The following UNC5C variants were observed in gnomAD, a reference collection of about 807,000 sequenced individuals.
UNC5C encodes netrin receptor UNC5C.
Under a neutral mutation model 99.8 loss-of-function variants are expected in UNC5C, and 47 were observed. The observed-to-expected ratio is 0.47, with a 90% CI of 0.37 to 0.60. The LOEUF is 0.60. UNC5C is among the 20% of genes least tolerant of loss of function. The pLI, the probability that UNC5C is intolerant of heterozygous loss-of-function variation, is 0.00. For synonymous variants in UNC5C, 487 were observed against 452.2 expected (o/e 1.08, Z -0.98); for missense variants, 1,062 against 1,165.9 (o/e 0.91, Z 1.30).
In UNC5C at chr4:95,165,835, C is replaced by T. The variant is rs1256545604; in HGVS notation, c.*3399G>A. ...ACCATAAGTGTTAAAAATGACAACT[C>T]TTCAAAGACTGTTTTATATAGATTT... On this transcript the variant is annotated 3_prime_UTR_variant, in exon 16 of 16. Transcript: ENST00000453304. The T allele has an allele frequency of 6.6e-6, 1 of 152,258 alleles. No homozygotes were observed. The highest frequency in any genetic ancestry group is 1.9e-4 in the East Asian group (1 of 5,182). The allele number at this position is 152,258 out of a possible 1,614,324, so 9.4% of individuals were successfully genotyped here.
chr4:95,301,003 C>T (rs1741846791), intron 3 of UNC5C, among the ~76,000 whole-genome samples: 1 of 152,076 alleles, frequency 6.6e-6, no homozygotes, highest in East Asian at 1.9e-4. Flanking sequence ...ATACCTCATT[C>T]CCCATGATGT....
intron 4 of UNC5C, among the ~76,000 whole-genome samples, chr4:95,254,917 C>T (rs774034815): frequency 6.6e-6 from 1 of 152,056 alleles, no homozygotes; most frequent in Non-Finnish European, 1.5e-5. Flanking sequence ...ATTATACTGT[C>T]AATGCTCTCA....
At chr4:95,362,674 C>T (rs978531345) in intron 1 of UNC5C, among the ~76,000 whole-genome samples, 4 of 152,150 alleles carry the variant, frequency 2.6e-5, no homozygotes, top group Non-Finnish European at 4.4e-5. Context: ...GACAACTGAG[C>T]TGACATACCA....
chr4:95,434,460 C>T (rs558066405), intron 1 of UNC5C, among the ~76,000 whole-genome samples: 2 of 152,074 alleles, frequency 1.3e-5, no homozygotes, highest in South Asian at 2.1e-4. Flanking sequence ...TTACTTGAAT[C>T]GGAGGGAAAG....
chr4:95,263,766 TG>T (rs1482687067), intron 4 of UNC5C, among the ~76,000 whole-genome samples: 3 of 152,208 alleles, frequency 2.0e-5, no homozygotes, highest in African/African-American at 7.2e-5. Context: ...ATAAGGTTCT[TG>T]TGAGGTTTGA....
chr4:95,173,867 G>A (rs1216653998), intron 14 of UNC5C, among the ~76,000 whole-genome samples: 5 of 151,878 alleles, frequency 3.3e-5, no homozygotes, highest in Admixed American at 6.6e-5. Context: ...AATCCATCTG[G>A]TCCTGGACTC....
chr4:95,404,469 T>C (rs992271575), intron 1 of UNC5C, among the ~76,000 whole-genome samples: 1 of 152,232 alleles, frequency 6.6e-6, no homozygotes, highest in Non-Finnish European at 1.5e-5. Context: ...GCCAGGGTTC[T>C]AGGCCAAAGC....
At chr4:95,516,997 A>T (rs555238933) in intron 1 of UNC5C, among the ~76,000 whole-genome samples, 4 of 152,198 alleles carry the variant, frequency 2.6e-5, no homozygotes, top group Admixed American at 2.6e-4. Context: ...ACTGGGAAGG[A>T]TGTGTTCATG....
chr4:95,490,510 G>A lies in UNC5C; in HGVS notation c.124+58224C>T, dbSNP rs536066873. On this transcript the variant is annotated intron_variant, in intron 1 of 15. Coordinates refer to ENST00000453304, the MANE Select transcript of UNC5C (RefSeq NM_003728.4). Reference sequence around the variant, plus strand: ...CTGCATGTATATATCTATGAAATAAGGCATAAGTAACACACATAATAGATT... The same window carrying A: ...CTGCATGTATATATCTATGAAATAAAGCATAAGTAACACACATAATAGATT... 7.3e-5 allele frequency among the ~76,000 whole-genome samples: 11 copies of A among 151,606 alleles called. No homozygotes were observed. In the East Asian group the frequency reaches 2.1e-3, roughly 30 times the overall value.
chr4:95,528,578 G>A (rs977006319), intron 1 of UNC5C, among the ~76,000 whole-genome samples: 7 of 152,198 alleles, frequency 4.6e-5, no homozygotes, highest in African/African-American at 9.6e-5. Context: ...GCTGAGAGAT[G>A]TGGTAATGTC....
chr4:95,372,616 G>A (rs1744779309), intron 1 of UNC5C, among the ~76,000 whole-genome samples: 1 of 152,064 alleles, frequency 6.6e-6, no homozygotes, highest in Non-Finnish European at 1.5e-5. Flanking sequence ...AGTTTCTTTG[G>A]CCCTGTTTGG....
At chr4:95,209,110 C>T (rs913128706) in intron 10 of UNC5C, among the ~76,000 whole-genome samples, 3 of 152,130 alleles carry the variant, frequency 2.0e-5, no homozygotes, top group Non-Finnish European at 4.4e-5. Flanking sequence ...GCTCATAGAT[C>T]CTTTTCTGGA....
chr4:95,264,458 T>C (rs1740364856), intron 4 of UNC5C, among the ~76,000 whole-genome samples: 1 of 152,142 alleles, frequency 6.6e-6, no homozygotes, highest in South Asian at 2.1e-4. Context: ...ATATGTCTGT[T>C]TCAACAAACT....
At chr4:95,519,824 G>A (rs139647920) in intron 1 of UNC5C, among the ~76,000 whole-genome samples, 414 of 152,252 alleles carry the variant, frequency 2.7e-3, no homozygotes, top group Middle Eastern at 0.01. Flanking sequence ...ATAGCTGAAG[G>A]TATTTTTGTC....
At chr4:95,320,444 GAAAA>G (rs1742645906) in intron 2 of UNC5C, among the ~76,000 whole-genome samples, 2 of 138,538 alleles carry the variant, frequency 1.4e-5, no homozygotes, top group Non-Finnish European at 3.2e-5. Flanking sequence ...AAAAAGAAAA[GAAAA>G]GAAAAGAAAG....
At chr4:95,506,874 A>G (rs1403098578) in intron 1 of UNC5C, among the ~76,000 whole-genome samples, 1 of 151,838 alleles carries the variant, frequency 6.6e-6, no homozygotes, top group Non-Finnish European at 1.5e-5. Flanking sequence ...TGTTGAGGGT[A>G]CATTTGATTT....
At chr4:95,400,845 G>A (rs1745672528) in intron 1 of UNC5C, among the ~76,000 whole-genome samples, 1 of 152,128 alleles carries the variant, frequency 6.6e-6, no homozygotes, top group South Asian at 2.1e-4. Flanking sequence ...GCCCTGCCTG[G>A]TCACGTAATT....
chr4:95,387,638 ACT>A (rs1348873578), intron 1 of UNC5C, among the ~76,000 whole-genome samples: 14 of 151,858 alleles, frequency 9.2e-5, no homozygotes, highest in African/African-American at 3.4e-4. Context: ...TCATCCTAAA[ACT>A]CTGTGTTTCT....
Position 95,214,192 on chromosome 4 carries a change from A to C in UNC5C, c.1733+1932T>G, listed in dbSNP as rs188781750. ...TTTACAATAAAAATGCATCTGGTTC[A>C]TAACAGAAAACTAGTGAAGAGAAGA... On this transcript the variant is annotated intron_variant, in intron 10 of 15. Coordinates refer to ENST00000453304, the MANE Select transcript of UNC5C (RefSeq NM_003728.4). 1.5e-3 allele frequency among the ~76,000 whole-genome samples: 230 copies of C among 152,356 alleles called. 2 individuals are homozygous for C. Among genetic ancestry groups the C allele is most frequent in the Admixed American group, 0.014 (219 of 15,306 alleles).
Sources: allele counts gnomAD v4.1 joint callset (sites outside exome capture counted in the v4.1 genomes callset), GRCh38; gene constraint gnomAD v4.1.1; transcripts MANE v1.5; gene names NCBI Gene and HGNC (gene_info 2026-07-23, HGNC 2026-07-21).